The following CDH1 variants were observed in gnomAD, a reference collection of about 807,000 sequenced individuals.
CDH1 encodes cadherin-1.
A neutral mutation model predicts 84.5 loss-of-function variants in CDH1; 35 were observed. The ratio of observed to expected loss-of-function variants is 0.41; its 90% CI spans 0.32 to 0.55. The LOEUF is 0.55. Ranked by LOEUF, CDH1 falls within the 20% of genes least tolerant of loss-of-function variation. The pLI is 0.19. For missense variants in CDH1, 994 were observed against 1,126.6 expected (o/e 0.88, Z 1.68); for synonymous variants, 417 against 439.0 (o/e 0.95, Z 0.63).
intron 7 of CDH1, 70 bp from the exon 8 acceptor site, chr16:68,812,065 G>A (rs1481137062): frequency 4.3e-6 from 7 of 1,609,812 alleles, no homozygotes; most frequent in Non-Finnish European, 5.9e-6. Context: ...GGTTCCATGT[G>A]TTGGGCTGGG....
rs1356243940 is a variant in CDH1, at chr16:68,779,654, C to T, written c.164-22016C>T. On this transcript the variant is annotated intron_variant, in intron 2 of 15. Coordinates refer to ENST00000261769, the MANE Select transcript of CDH1 (RefSeq NM_004360.5). Reference sequence around the variant, plus strand: ...CAGGAGGATCACAAAGTCAAGAGATCGAGACCATCCTGGCCAACATGATGA... The same window carrying T: ...CAGGAGGATCACAAAGTCAAGAGATTGAGACCATCCTGGCCAACATGATGA... Among the ~76,000 whole-genome samples, 8 of 152,244 alleles carry T rather than the reference C, an allele frequency of 5.3e-5. No homozygotes were observed. The South Asian group carries it at 1.0e-3, about 20-fold the overall frequency.
At chr16:68,780,999 G>A (rs1959862346) in intron 2 of CDH1, among the ~76,000 whole-genome samples, 1 of 152,230 alleles carries the variant, frequency 6.6e-6, no homozygotes, top group African/African-American at 2.4e-5. Context: ...CCAGAATTGG[G>A]AAGATTAAGG....
At chr16:68,807,352 G>T (rs36064319) in intron 3 of CDH1, among the ~76,000 whole-genome samples, 4 of 152,172 alleles carry the variant, frequency 2.6e-5, no homozygotes, top group African/African-American at 7.2e-5. Context: ...ATAACTCCAC[G>T]TTGAGGACCT....
chr16:68,815,820 G>A (rs2152135228), intron 10 of CDH1, 61 bp downstream of exon 10: 1 of 1,570,714 alleles, frequency 6.4e-7, no homozygotes, highest in Non-Finnish European at 8.8e-7. Context: ...CATTTTATAT[G>A]TAAATCAATA....
At position 68,833,400 on chromosome 16, in the gene CDH1, C is replaced by T. The variant is rs1057521295; in HGVS notation, c.2550C>T (p.Ser850=). Residue 850 remains serine, a synonymous_variant, in exon 16 of 16, where the codon TCC becomes TCT. Coordinates refer to ENST00000261769, the MANE Select transcript of CDH1 (RefSeq NM_004360.5). ...CTGCTAGTCTGAGCTCCCTGAACTC[C>T]TCAGAGTCAGACAAAGACCAGGACT... ...SEAASLSSLN[S]SESDKDQDYD... The T allele has an allele frequency of 2.5e-6, 4 of 1,614,150 alleles. No homozygotes were observed. Among genetic ancestry groups the T allele is most frequent in the Non-Finnish European group, 3.4e-6 (4 of 1,180,010 alleles).
At chr16:68,797,326 G>A (rs969046155) in intron 2 of CDH1, among the ~76,000 whole-genome samples, 1 of 152,114 alleles carries the variant, frequency 6.6e-6, no homozygotes, top group Admixed American at 6.6e-5. Context: ...CTGAGGCTGC[G>A]GTGAGCTAGC....
intron 2 of CDH1, among the ~76,000 whole-genome samples, chr16:68,788,529 C>G (rs1188442480): frequency 6.6e-6 from 1 of 152,152 alleles, no homozygotes; most frequent in Non-Finnish European, 1.5e-5. Flanking sequence ...TGGTGAACAG[C>G]TTCTTTCACT....
chr16:68,753,117 G>A, intron 2 of CDH1, among the ~76,000 whole-genome samples: 1 of 144,786 alleles, frequency 6.9e-6, no homozygotes, highest in South Asian at 2.2e-4. Context: ...GGAGGCCGAG[G>A]CACAAAAATC....
intron 2 of CDH1, among the ~76,000 whole-genome samples, chr16:68,741,742 C>T (rs1116485): frequency 0.8 from 122,254 of 151,994 alleles, 49,926 homozygotes; most frequent in Non-Finnish European, 0.88. Flanking sequence ...TGCAGAGGTG[C>T]GATCTCGGCT....
At chr16:68,781,913 C>G (rs1959891171) in intron 2 of CDH1, among the ~76,000 whole-genome samples, 1 of 152,128 alleles carries the variant, frequency 6.6e-6, no homozygotes, top group Admixed American at 6.5e-5. Context: ...CTAGCCCAAA[C>G]CTTGGCTCAA....
intron 2 of CDH1, among the ~76,000 whole-genome samples, chr16:68,778,342 G>A (rs1415725368): frequency 1.3e-5 from 2 of 152,206 alleles, no homozygotes; most frequent in Non-Finnish European, 2.9e-5. Context: ...CACCGTGCCC[G>A]ACCAATTGTA....
intron 2 of CDH1, among the ~76,000 whole-genome samples, chr16:68,794,255 G>A (rs146418579): frequency 1.2e-3 from 177 of 152,104 alleles, no homozygotes; most frequent in African/African-American, 3.8e-3. Flanking sequence ...TGCCTAGGGT[G>A]GTCTCAAACT....
intron 2 of CDH1, among the ~76,000 whole-genome samples, chr16:68,741,749 G>A (rs950234439): frequency 5.9e-5 from 9 of 151,424 alleles, no homozygotes; most frequent in African/African-American, 1.9e-4. Context: ...GTGCGATCTC[G>A]GCTCACTGCA....
chr16:68,747,624 A>C (rs1428164206), intron 2 of CDH1, among the ~76,000 whole-genome samples: 1 of 152,118 alleles, frequency 6.6e-6, no homozygotes, highest in Non-Finnish European at 1.5e-5. Context: ...TCCTTATGGA[A>C]ATACAAGCAT....
chr16:68,794,316 A>G (rs1437092079), intron 2 of CDH1, among the ~76,000 whole-genome samples: 1 of 151,958 alleles, frequency 6.6e-6, no homozygotes, highest in African/African-American at 2.4e-5. Flanking sequence ...GTTGGGTTAC[A>G]GGCATGAGCC....
At chr16:68,742,889 A>G (rs201754969) in intron 2 of CDH1, among the ~76,000 whole-genome samples, 34 of 152,220 alleles carry the variant, frequency 2.2e-4, no homozygotes, top group Middle Eastern at 3.4e-3. Flanking sequence ...CACTTCCCCA[A>G]TTACTCATGT....
intron 11 of CDH1, among the ~76,000 whole-genome samples, chr16:68,820,963 T>A (rs1482495246): frequency 1.3e-5 from 2 of 152,186 alleles, no homozygotes; most frequent in African/African-American, 4.8e-5. Flanking sequence ...TTAAATGACG[T>A]GTGCTCATTG....
chr16:68,741,838 C>T (rs765176633), intron 2 of CDH1, among the ~76,000 whole-genome samples: 1 of 152,070 alleles, frequency 6.6e-6, no homozygotes, highest in Non-Finnish European at 1.5e-5. Flanking sequence ...TGCCACCATG[C>T]CTTTGTATTT....
chr16:68,800,721 G>A (rs1960474400), intron 2 of CDH1, among the ~76,000 whole-genome samples: 1 of 152,134 alleles, frequency 6.6e-6, no homozygotes, highest in Non-Finnish European at 1.5e-5. Context: ...TGCAAGGCTG[G>A]CTCCTTCAGG....
Sources: gnomAD v4.1 joint callset for allele counts (sites outside exome capture counted in the v4.1 genomes callset) on GRCh38, gnomAD v4.1.1 for gene constraint, MANE v1.5 for transcripts, NCBI Gene and HGNC (gene_info 2026-07-23, HGNC 2026-07-21) for gene names.